Variants in CTNNA1 observed in about 807,000 individuals in gnomAD.
CTNNA1 encodes the protein catenin alpha-1.
Under a neutral mutation model 98.4 loss-of-function variants are expected in CTNNA1, and 37 were observed. That is an observed-to-expected ratio of 0.38 (90% CI 0.29 to 0.49). CTNNA1 has a LOEUF of 0.49. Among genes scored for constraint, CTNNA1 ranks in the 20% least tolerant of loss-of-function variants. The pLI is 0.95. For missense variants in CTNNA1, 761 were observed against 1,147.2 expected (o/e 0.66, Z 4.86); for synonymous variants, 404 against 413.2 (o/e 0.98, Z 0.27).
intron 7 of CTNNA1, among the ~76,000 whole-genome samples, chr5:138,830,058 T>C (rs1490162818): frequency 1.3e-5 from 2 of 151,904 alleles, no homozygotes; most frequent in Non-Finnish European, 2.9e-5. Flanking sequence ...TCCCAGCTGC[T>C]CTGGAGGCTG....
intron 1 of CTNNA1, among the ~76,000 whole-genome samples, chr5:138,771,430 G>T (rs1227759936): frequency 6.6e-6 from 1 of 152,106 alleles, no homozygotes; most frequent in Non-Finnish European, 1.5e-5. Context: ...CACTCAGCCT[G>T]CAGTGTAGTG....
intron 12 of CTNNA1, 107 bp downstream of exon 12, chr5:138,924,817 G>C: frequency 9.6e-7 from 1 of 1,045,076 alleles, no homozygotes; most frequent in Non-Finnish European, 1.4e-6. Context: ...TGGGAACTCA[G>C]ATTTGGTCTC....
At chr5:138,810,988 C>G (rs1758660392) in intron 4 of CTNNA1, among the ~76,000 whole-genome samples, 1 of 151,134 alleles carries the variant, frequency 6.6e-6, no homozygotes, top group Admixed American at 6.6e-5. Flanking sequence ...CCACCTCCCT[C>G]CCGGACGGGG....
At chr5:138,780,946 A>G (rs1459444412) in intron 1 of CTNNA1, among the ~76,000 whole-genome samples, 1 of 79,866 alleles carries the variant, frequency 1.3e-5, no homozygotes, top group Admixed American at 1.5e-4. Flanking sequence ...AGAAAAGACT[A>G]ACTGTTATTT....
At chr5:138,877,917 A>G (rs189975905) in intron 7 of CTNNA1, among the ~76,000 whole-genome samples, 202 of 151,510 alleles carry the variant, frequency 1.3e-3, no homozygotes, top group Non-Finnish European at 2.5e-3. Flanking sequence ...CAGTTGGATT[A>G]GAGCCACCAT....
Position 138,924,614 on chromosome 5 carries a change from C to T in CTNNA1, c.1651C>T (p.Arg551Trp), listed in dbSNP as rs1763613333. The T allele has an allele frequency of 3.1e-6, 5 of 1,613,926 alleles. No individual in the cohort carries two copies. The highest frequency in any genetic ancestry group is 4.2e-6 in the Non-Finnish European group (5 of 1,179,948). The change falls in exon 12 of 18, where the codon CGG (arginine) becomes TGG (tryptophan). Residue 551 changes from arginine to tryptophan, a missense_variant. Arg to Trp is a moderately radical substitution (Grantham distance 101, BLOSUM62 -3). Around this residue, in one of 6 missense-constraint regions of CTNNA1, gnomAD observed 287 missense variants for 436.0 expected, o/e 0.66. Transcript: ENST00000302763. Reference sequence around the variant, plus strand: ...TGGTGCAATTCGAGGCCGGGCAGCCCGGGTCATTCACGTAGTCACCTCAGA... The same window carrying T: ...TGGTGCAATTCGAGGCCGGGCAGCCTGGGTCATTCACGTAGTCACCTCAGA... ...TAGAIRGRAARVIHVVTSEMD... is the reference protein window; with the variant it reads ...TAGAIRGRAAWVIHVVTSEMD...
At chr5:138,886,401 G>T in intron 8 of CTNNA1, 109 bp downstream of exon 8, 2 of 1,181,952 alleles carry the variant, frequency 1.7e-6, no homozygotes, top group Non-Finnish European at 1.2e-6. Context: ...AGAAAGGATG[G>T]ATTTTCACAA....
At chr5:138,770,808 C>T (rs6866199) in intron 1 of CTNNA1, among the ~76,000 whole-genome samples, 103,238 of 151,744 alleles carry the variant, frequency 0.68, 35,356 homozygotes, top group East Asian at 0.93. Context: ...AAAAATTAGC[C>T]GGGCTTGGTG....
At chr5:138,834,132 G>T (rs1761548751) in intron 7 of CTNNA1, among the ~76,000 whole-genome samples, 1 of 152,118 alleles carries the variant, frequency 6.6e-6, no homozygotes, top group Non-Finnish European at 1.5e-5. Flanking sequence ...TCTCAGTTTT[G>T]CAAATGCCTT....
intron 7 of CTNNA1, among the ~76,000 whole-genome samples, chr5:138,849,082 G>C (rs1344604901): frequency 6.6e-6 from 1 of 152,164 alleles, no homozygotes; most frequent in African/African-American, 2.4e-5. Context: ...GGCTCTGATC[G>C]TCAGTGTTCA....
intron 2 of CTNNA1, among the ~76,000 whole-genome samples, 155 bp from the exon 3 acceptor site, chr5:138,783,022 C>G (rs1755299487): frequency 6.6e-6 from 1 of 152,182 alleles, no homozygotes; most frequent in African/African-American, 2.4e-5. Flanking sequence ...AATATAGCAT[C>G]ATTGCTGTAT....
chr5:138,849,943 C>T (rs1366892551), intron 7 of CTNNA1, among the ~76,000 whole-genome samples: 1 of 151,992 alleles, frequency 6.6e-6, no homozygotes, highest in Non-Finnish European at 1.5e-5. Flanking sequence ...TCTCTTCTTA[C>T]AGTTTCTTGT....
At chr5:138,814,165 T>C (rs1324859496) in intron 5 of CTNNA1, among the ~76,000 whole-genome samples, 1 of 152,178 alleles carries the variant, frequency 6.6e-6, no homozygotes, top group Non-Finnish European at 1.5e-5. Context: ...ATATATGAGA[T>C]CCTGGTTTTG....
At chr5:138,896,371 T>G (rs1349191662) in intron 9 of CTNNA1, among the ~76,000 whole-genome samples, 1 of 152,196 alleles carries the variant, frequency 6.6e-6, no homozygotes, top group Non-Finnish European at 1.5e-5. Flanking sequence ...TCTGGGTCCT[T>G]ATTTTAATAA....
At position 138,934,083 on chromosome 5, in the gene CTNNA1, C is replaced by T. The variant is rs1285028044; in HGVS notation, c.2715C>T (p.Ser905=). The T allele has an allele frequency of 6.2e-7, 1 of 1,610,456 alleles. No homozygotes were observed. The highest frequency in any genetic ancestry group is 8.5e-7 in the Non-Finnish European group (1 of 1,178,532). The change falls in exon 18 of 18, where the codon AGC becomes AGT. Residue 905 remains serine (S), a synonymous_variant. Transcript: ENST00000302763. The stretch of plus-strand genomic sequence containing the variant: ...TCAGCGAGTTCAAAGCTATGGACAG[C>T]ATCTAAGTCTGCCCAGGCCGGCCGC... The part of the protein sequence containing the change: ...QALSEFKAMD[S]I
intron 1 of CTNNA1, among the ~76,000 whole-genome samples, chr5:138,768,768 A>C (rs1281673874): frequency 2.0e-5 from 3 of 152,026 alleles, no homozygotes; most frequent in Non-Finnish European, 2.9e-5. Context: ...TAGGGCATTC[A>C]GTGGGTCAGG....
intron 5 of CTNNA1, among the ~76,000 whole-genome samples, chr5:138,812,819 C>G (rs773605388): frequency 3.9e-5 from 6 of 152,192 alleles, no homozygotes; most frequent in Non-Finnish European, 7.3e-5. Context: ...TTTGACCCTT[C>G]GGCATTTTCA....
Position 138,774,151 on chromosome 5 carries a change from G to A in CTNNA1, c.-2-7772G>A, listed in dbSNP as rs143924887. 4.7e-3 allele frequency among the ~76,000 whole-genome samples: 722 copies of A among 152,158 alleles called. 3 individuals carry two copies. The highest frequency in any genetic ancestry group is 0.015 in the African/African-American group (607 of 41,518). On this transcript the variant is annotated intron_variant, in intron 1 of 17. Coordinates refer to ENST00000302763, the MANE Select transcript of CTNNA1 (RefSeq NM_001903.5). ...GCCCACCTCAGCCTACCAAAGTGCT[G>A]GGATTTCAGGCATGAGCTACTGCGC...
intron 7 of CTNNA1, among the ~76,000 whole-genome samples, chr5:138,855,100 G>A (rs965628701): frequency 4.6e-5 from 7 of 152,160 alleles, no homozygotes; most frequent in Admixed American, 2.0e-4. Flanking sequence ...GTGCAGTAGC[G>A]CGATCTCGGC....
Sources: allele counts gnomAD v4.1 joint callset (sites outside exome capture counted in the v4.1 genomes callset), GRCh38; gene constraint gnomAD v4.1.1; regional missense constraint gnomAD v4.1.1; transcripts MANE v1.5; gene names NCBI Gene and HGNC (gene_info 2026-07-23, HGNC 2026-07-21).